Variants in PCDHA5 observed in about 807,000 individuals in gnomAD.
PCDHA5 encodes the protein protocadherin alpha-5.
A neutral mutation model predicts 61.6 loss-of-function variants in PCDHA5; 43 were observed. The ratio of observed to expected loss-of-function variants is 0.70; its 90% CI spans 0.55 to 0.90. PCDHA5 has a LOEUF of 0.90. PCDHA5 is among the 40% of genes least tolerant of loss of function. The pLI is 0.00. For missense variants in PCDHA5, 1,298 were observed against 1,222.7 expected (o/e 1.06, Z -0.92); for synonymous variants, 627 against 543.9 (o/e 1.15, Z -2.13).
intron 1 of PCDHA5, among the ~76,000 whole-genome samples, chr5:140,901,420 C>G (rs2153473414): frequency 6.6e-6 from 1 of 152,248 alleles, no homozygotes; most frequent in East Asian, 1.9e-4. Context: ...TAGTTTCATT[C>G]CTCTGCATAT....
At chr5:140,843,557 G>C (rs1778973583) in intron 1 of PCDHA5, 1 of 1,595,984 alleles carries the variant, frequency 6.3e-7, no homozygotes. Flanking sequence ...CAGTGCGGTG[G>C]GGAGCTGGTC....
intron 3 of PCDHA5, among the ~76,000 whole-genome samples, chr5:140,992,328 A>G (rs2097505285): frequency 6.6e-6 from 1 of 152,150 alleles, no homozygotes; most frequent in South Asian, 2.1e-4. Flanking sequence ...CTTTTCTAAG[A>G]GCAAAGATGG....
rs569728778 is a variant in PCDHA5 at position 140,900,297 on chromosome 5, T to G, written c.2352+76170T>G. 1.4e-4 allele frequency among the ~76,000 whole-genome samples: 22 copies of G among 151,920 alleles called. No individual in the cohort carries two copies. In the East Asian group the frequency reaches 4.1e-3, roughly 28 times the overall value. On this transcript the variant is annotated intron_variant, in intron 1 of 3. Transcript: ENST00000529859. Reference sequence around the variant, plus strand: ...TACCACACTTTCTTTTCTGTTTTTTTAGACAGTCTCACTTTTGTCGCCCAG... The same window carrying G: ...TACCACACTTTCTTTTCTGTTTTTTGAGACAGTCTCACTTTTGTCGCCCAG...
intron 1 of PCDHA5, chr5:140,968,899 A>G (rs782594245): frequency 6.2e-7 from 1 of 1,614,130 alleles, no homozygotes; most frequent in Non-Finnish European, 8.5e-7. Context: ...TAATAATAGC[A>G]TTAAGCACAG....
intron 1 of PCDHA5, among the ~76,000 whole-genome samples, chr5:140,960,335 G>T (rs1362472967): frequency 1.3e-5 from 2 of 152,148 alleles, no homozygotes; most frequent in African/African-American, 4.8e-5. Context: ...AGAAGTACAT[G>T]AGGTGAGATA....
chr5:140,828,740 G>C (rs2150158441), intron 1 of PCDHA5: 1 of 1,614,226 alleles, frequency 6.2e-7, no homozygotes, highest in Admixed American at 1.7e-5. Context: ...AGCCACAGAT[G>C]GGGGCAAACC....
intron 1 of PCDHA5, among the ~76,000 whole-genome samples, chr5:140,924,901 AAAAATAAAATAAAAT>A (rs10667761): frequency 2.0e-3 from 158 of 80,494 alleles, no homozygotes; most frequent in African/African-American, 5.2e-3. Context: ...TCTCAAAAAA[AAAAATAAAATAAAAT>A]AAAATAAAAT....
At chr5:140,884,296 ACAGG>A in intron 1 of PCDHA5, 1 of 1,613,674 alleles carries the variant, frequency 6.2e-7, no homozygotes, top group Non-Finnish European at 8.5e-7. Flanking sequence ...GCCAAGCGCC[ACAGG>A]CTTCGTCGAG....
chr5:140,914,504 T>A (rs1554196424), intron 1 of PCDHA5, among the ~76,000 whole-genome samples: 1 of 152,202 alleles, frequency 6.6e-6, no homozygotes, highest in Non-Finnish European at 1.5e-5. Flanking sequence ...AACAGATCAT[T>A]GGGTCATGTT....
chr5:140,836,406 G>A (rs2150259956), intron 1 of PCDHA5: 4 of 1,613,782 alleles, frequency 2.5e-6, no homozygotes, highest in Middle Eastern at 1.6e-4. Context: ...AAGCGGCCAG[G>A]CACCAAAGGC....
In PCDHA5 at chr5:140,920,607, A is replaced by G. The variant is rs185483487; in HGVS notation, c.2353-58342A>G. Among the ~76,000 whole-genome samples the G allele has an allele frequency of 8.0e-3, 1,215 of 152,266 alleles. 5 individuals are homozygous for G. Among genetic ancestry groups the G allele is most frequent in the African/African-American group, 0.019 (784 of 41,544 alleles). On this transcript the variant is annotated intron_variant, in intron 1 of 3. Coordinates refer to ENST00000529859, the MANE Select transcript of PCDHA5 (RefSeq NM_018908.3). ...ACGCCTGTAATCCCAGCACTTTGGG[A>G]GGCCGAGGCGGATGGATCACAAGGT...
intron 3 of PCDHA5, among the ~76,000 whole-genome samples, chr5:141,004,093 C>T (rs1016954345): frequency 1.3e-5 from 2 of 152,164 alleles, no homozygotes; most frequent in African/African-American, 4.8e-5. Flanking sequence ...GTGCTTCTTC[C>T]GTTTTCATCT....
intron 1 of PCDHA5, 100 bp downstream of exon 1, chr5:140,824,227 TACACAAATATTGTG>T: frequency 6.5e-7 from 1 of 1,544,522 alleles, no homozygotes; most frequent in Non-Finnish European, 8.9e-7. Flanking sequence ...TATGTCTTAG[TACACAAATATTGTG>T]GTACACAATT....
intron 1 of PCDHA5, chr5:140,927,477 G>A: frequency 6.2e-7 from 1 of 1,614,118 alleles, no homozygotes; most frequent in Non-Finnish European, 8.5e-7. Flanking sequence ...ATCGCGAACA[G>A]CGCGCCACCC....
intron 1 of PCDHA5, chr5:140,835,375 C>T: frequency 1.2e-6 from 2 of 1,613,976 alleles, no homozygotes; most frequent in Non-Finnish European, 1.7e-6. Flanking sequence ...CCACCCCTGG[C>T]TGGTCATTGT....
At chr5:140,994,329 T>A (rs1041024319) in intron 3 of PCDHA5, among the ~76,000 whole-genome samples, 2 of 152,096 alleles carry the variant, frequency 1.3e-5, no homozygotes, top group Non-Finnish European at 2.9e-5. Context: ...TCAGCAACCA[T>A]GAACAGTGGA....
Position 140,857,571 on chromosome 5 carries a change from C to G in PCDHA5, c.2352+33444C>G, listed in dbSNP as rs782707848. 16 of 1,596,746 alleles carry G rather than the reference C, an allele frequency of 1.0e-5. 2 individuals are homozygous for G. Among genetic ancestry groups the G allele is most frequent in the East Asian group, 2.2e-5 (1 of 44,820 alleles). ...GAGCGCTCGCTGTCGAGCTACGTGT[C>G]GGTGCACGCGGAGAGCGGCAAGGTG... On this transcript the variant is annotated intron_variant, in intron 1 of 3. Transcript: ENST00000529859.
In PCDHA5 at chr5:140,858,601, A is replaced by G. The variant is rs7341057; in HGVS notation, c.2352+34474A>G. On this transcript the variant is annotated intron_variant, in intron 1 of 3. Transcript: ENST00000529859. ...TAATATAATTTATTCCAGGAGTTTT[A>G]AAATTTTTTTATCCTACCCAGTGTG... 747 of 1,295,358 alleles carry G rather than the reference A, an allele frequency of 5.8e-4. 36 individuals carry two copies. The African/African-American group carries it at 0.01, about 18-fold the overall frequency. 80.2% of individuals were successfully genotyped at this position (1,295,358 alleles called of 1,614,324 possible).
At chr5:140,856,666 G>A (rs782273873) in intron 1 of PCDHA5, 1 of 1,598,010 alleles carries the variant, frequency 6.3e-7, no homozygotes, top group Admixed American at 1.7e-5. Flanking sequence ...AAAATCCTCA[G>A]CTAAAGTTGT....
Sources: allele counts gnomAD v4.1 joint callset (sites outside exome capture counted in the v4.1 genomes callset), GRCh38; gene constraint gnomAD v4.1.1; transcripts MANE v1.5; gene names NCBI Gene and HGNC (gene_info 2026-07-23, HGNC 2026-07-21).